The following LEF1 variants were observed in gnomAD, a reference collection of about 807,000 sequenced individuals.
LEF1 encodes the protein lymphoid enhancer-binding factor 1.
In LEF1, 14 loss-of-function variants were observed where a neutral mutation model predicts 51.2. That is an observed-to-expected ratio of 0.27 (90% confidence interval 0.18 to 0.43). LEF1 has a LOEUF of 0.43. Ranked by LOEUF, LEF1 falls within the 20% of genes least tolerant of loss-of-function variation. The pLI, the probability that LEF1 is intolerant of heterozygous loss-of-function variation, is 1.00. For synonymous variants in LEF1, 185 were observed against 183.2 expected, an observed-to-expected ratio of 1.01 and a Z score of -0.08; for missense variants, 386 against 512.0, an observed-to-expected ratio of 0.75 and a Z score of 2.37.
At chr4:108,093,375 G>A (rs999163104) in intron 3 of LEF1, among the ~76,000 whole-genome samples, 1 of 152,090 alleles carries the variant, frequency 6.6e-6, no homozygotes. Context: ...ATTCCTACTC[G>A]GGTGCTTTTC....
chr4:108,108,032 G>C (rs1741282592), intron 3 of LEF1, among the ~76,000 whole-genome samples: 1 of 152,216 alleles, frequency 6.6e-6, no homozygotes, highest in Non-Finnish European at 1.5e-5. Context: ...GGCAGGGACA[G>C]GGAAAAGCAA....
At position 108,102,087 on chromosome 4, in the gene LEF1, C is replaced by T. The variant is rs139805869; in HGVS notation, c.415-12830G>A. Among the ~76,000 whole-genome samples the T allele has an allele frequency of 1.7e-4, 26 of 150,164 alleles. 1 individual carries two copies. Among genetic ancestry groups the T allele is most frequent in the African/African-American group, 4.9e-4 (20 of 40,772 alleles). ...TCAAAAAAAAAAAAAAAAGAAAGGA[C>T]GGACTTATTTACTGAACATTTTAAG... On this transcript the variant is annotated intron_variant, in intron 3 of 11. Transcript: ENST00000265165.
intron 3 of LEF1, among the ~76,000 whole-genome samples, chr4:108,111,855 G>A (rs529410938): frequency 2.0e-4 from 30 of 152,218 alleles, no homozygotes; most frequent in Non-Finnish European, 4.1e-4. Flanking sequence ...CCAGTGAGCT[G>A]TGATTGCGCC....
At chr4:108,139,519 C>T (rs1013182783) in intron 3 of LEF1, among the ~76,000 whole-genome samples, 4 of 152,282 alleles carry the variant, frequency 2.6e-5, no homozygotes, top group East Asian at 1.9e-4. Context: ...AGGTGCAGGC[C>T]GGGCTCCACA....
intron 11 of LEF1, among the ~76,000 whole-genome samples, chr4:108,058,199 GT>G (rs1737434200): frequency 6.6e-6 from 1 of 152,010 alleles, no homozygotes; most frequent in African/African-American, 2.4e-5. Flanking sequence ...AAAGTAGCCT[GT>G]TCCTTCTTTT....
intron 11 of LEF1, among the ~76,000 whole-genome samples, chr4:108,062,685 A>T (rs991881855): frequency 1.3e-5 from 2 of 152,222 alleles, no homozygotes; most frequent in Non-Finnish European, 2.9e-5. Context: ...GAAAGCCTGG[A>T]GGCAGAAAAA....
chr4:108,149,458 C>CAAAAAAAAAA (rs371482539), intron 3 of LEF1, among the ~76,000 whole-genome samples: 2,110 of 60,324 alleles, frequency 0.035, 306 homozygotes, highest in Non-Finnish European at 0.045. Flanking sequence ...GACTCCGTCT[C>CAAAAAAAAAA]AAAAAAAAAA....
chr4:108,143,647 C>T (rs572614161), intron 3 of LEF1, among the ~76,000 whole-genome samples: 3 of 152,260 alleles, frequency 2.0e-5, no homozygotes, highest in South Asian at 4.2e-4. Context: ...TATACGGCGC[C>T]CCCTCAATCC....
intron 3 of LEF1, among the ~76,000 whole-genome samples, chr4:108,125,164 TTTTA>T (rs1192915096): frequency 6.6e-6 from 1 of 152,090 alleles, no homozygotes; most frequent in Non-Finnish European, 1.5e-5. Flanking sequence ...ATTTATTTAT[TTTTA>T]TTTATTTATT....
intron 3 of LEF1, among the ~76,000 whole-genome samples, chr4:108,147,970 T>C (rs1297513696): frequency 6.6e-6 from 1 of 152,226 alleles, no homozygotes; most frequent in African/African-American, 2.4e-5. Context: ...CATAATATTG[T>C]TTGCCCAATT....
intron 3 of LEF1, among the ~76,000 whole-genome samples, chr4:108,136,598 G>T (rs1743282224): frequency 6.6e-6 from 1 of 151,622 alleles, no homozygotes; most frequent in East Asian, 1.9e-4. Context: ...TGCCTTTCAG[G>T]GGTCTTATAA....
At chr4:108,160,235 G>A (rs970753969) in intron 3 of LEF1, among the ~76,000 whole-genome samples, 1 of 152,214 alleles carries the variant, frequency 6.6e-6, no homozygotes, top group Admixed American at 6.5e-5. Context: ...ACAACTGCCA[G>A]AGCCAAACTA....
At chr4:108,059,636 C>T (rs1737539383) in intron 11 of LEF1, among the ~76,000 whole-genome samples, 2 of 152,216 alleles carry the variant, frequency 1.3e-5, no homozygotes, top group East Asian at 1.9e-4. Flanking sequence ...TACCTTTACT[C>T]GTCAACTTCC....
At chr4:108,109,273 AATT>A (rs1463878681) in intron 3 of LEF1, among the ~76,000 whole-genome samples, 1 of 152,224 alleles carries the variant, frequency 6.6e-6, no homozygotes, top group East Asian at 1.9e-4. Context: ...AATTCATTTC[AATT>A]ATTAACAGAC....
intron 3 of LEF1, among the ~76,000 whole-genome samples, chr4:108,145,405 T>C (rs1743937949): frequency 6.6e-6 from 1 of 152,206 alleles, no homozygotes; most frequent in Non-Finnish European, 1.5e-5. Context: ...TCAATTTTAT[T>C]TGAAATAACA....
chr4:108,122,084 G>A (rs1427438933), intron 3 of LEF1, among the ~76,000 whole-genome samples: 2 of 152,134 alleles, frequency 1.3e-5, no homozygotes, highest in African/African-American at 2.4e-5. Context: ...GGATATAGCA[G>A]CTCATATAAC....
Position 108,065,071 on chromosome 4 carries a change from T to C in LEF1, c.1117-687A>G, listed in dbSNP as rs1241347346. Among the ~76,000 whole-genome samples the C allele has an allele frequency of 2.6e-5, 4 of 152,294 alleles. No individual in the cohort carries two copies. The East Asian group carries it at 7.7e-4, about 29-fold the overall frequency. On this transcript the variant is annotated intron_variant, in intron 9 of 11. Transcript: ENST00000265165. Reference sequence around the variant, plus strand: ...ACCTTGCTTCCCAAAACAGACAAAATAACATGGATATGCACACCATTTTAA... The same window carrying C: ...ACCTTGCTTCCCAAAACAGACAAAACAACATGGATATGCACACCATTTTAA...
At chr4:108,054,319 G>T (rs929614582) in intron 11 of LEF1, among the ~76,000 whole-genome samples, 10 of 152,224 alleles carry the variant, frequency 6.6e-5, no homozygotes, top group Non-Finnish European at 1.3e-4. Context: ...CAGGGCAGAC[G>T]CCCTGAAGCA....
chr4:108,133,218 C>T (rs934155781), intron 3 of LEF1, among the ~76,000 whole-genome samples: 3 of 152,134 alleles, frequency 2.0e-5, no homozygotes, highest in South Asian at 2.1e-4. Flanking sequence ...GTGATCCGCC[C>T]GCCCCAGCAT....
Sources: gnomAD v4.1 joint callset for allele counts (sites outside exome capture counted in the v4.1 genomes callset) on GRCh38, gnomAD v4.1.1 for gene constraint, MANE v1.5 for transcripts, NCBI Gene and HGNC (gene_info 2026-07-23, HGNC 2026-07-21) for gene names.